The following NLGN1 variants were observed in gnomAD, a reference collection of about 807,000 sequenced individuals.
The protein encoded by NLGN1 is neuroligin-1.
Under a neutral mutation model 65.5 loss-of-function variants are expected in NLGN1, and 12 were observed. The ratio of observed to expected loss-of-function variants is 0.18; its 90% confidence interval spans 0.12 to 0.30. The LOEUF is 0.30. Ranked by LOEUF, NLGN1 falls within the 10% of genes least tolerant of loss-of-function variation. NLGN1 has a pLI of 1.00. For missense variants in NLGN1, 750 were observed against 1,007.1 expected (o/e 0.74, Z 3.46); for synonymous variants, 350 against 359.5 (o/e 0.97, Z 0.30).
chr3:174,155,643 G>A (rs1452652409), intron 4 of NLGN1, among the ~76,000 whole-genome samples: 1 of 151,524 alleles, frequency 6.6e-6, no homozygotes, highest in Non-Finnish European at 1.5e-5. Flanking sequence ...CAAAAGAAAT[G>A]TCTTCCTGGC....
chr3:173,851,459 A>G (rs1170241248), intron 4 of NLGN1, among the ~76,000 whole-genome samples: 2 of 152,142 alleles, frequency 1.3e-5, no homozygotes, highest in African/African-American at 2.4e-5. Context: ...ACAATTTTTA[A>G]CTCATATTTT....
intron 4 of NLGN1, among the ~76,000 whole-genome samples, chr3:174,274,250 T>C (rs1394875164): frequency 1.3e-5 from 2 of 151,814 alleles, no homozygotes; most frequent in Non-Finnish European, 2.9e-5. Flanking sequence ...TTATATTAAA[T>C]GCAAAAATAT....
At chr3:173,643,652 ACTGAG>A (rs1757755289) in intron 3 of NLGN1, among the ~76,000 whole-genome samples, 1 of 152,190 alleles carries the variant, frequency 6.6e-6, no homozygotes, top group African/African-American at 2.4e-5. Context: ...TGTGAAAGTT[ACTGAG>A]CTTTATTTGG....
At chr3:173,512,863 A>G (rs1454194753) in intron 2 of NLGN1, among the ~76,000 whole-genome samples, 2 of 152,222 alleles carry the variant, frequency 1.3e-5, no homozygotes, top group Non-Finnish European at 2.9e-5. Context: ...TTTATGTTGA[A>G]AGATGAGCTT....
At chr3:174,278,006 T>G (rs1750900104) in intron 5 of NLGN1, among the ~76,000 whole-genome samples, 1 of 151,994 alleles carries the variant, frequency 6.6e-6, no homozygotes, top group Non-Finnish European at 1.5e-5. Context: ...AAAGTGTGTT[T>G]GTAAATTTGA....
At chr3:174,151,681 G>C (rs895265932) in intron 4 of NLGN1, among the ~76,000 whole-genome samples, 1 of 152,114 alleles carries the variant, frequency 6.6e-6, no homozygotes, top group African/African-American at 2.4e-5. Context: ...ATTGTGTTAT[G>C]TTGATGGGTT....
At chr3:173,672,534 T>G (rs1762584081) in intron 3 of NLGN1, among the ~76,000 whole-genome samples, 1 of 152,204 alleles carries the variant, frequency 6.6e-6, no homozygotes, top group Admixed American at 6.5e-5. Flanking sequence ...TCTGAGAGCT[T>G]TTGTGTCTTA....
At chr3:173,796,733 A>T (rs1052158232) in intron 3 of NLGN1, among the ~76,000 whole-genome samples, 1 of 152,082 alleles carries the variant, frequency 6.6e-6, no homozygotes, top group East Asian at 1.9e-4. Context: ...TATCCATTTA[A>T]ACTGCTTGTA....
chr3:173,434,001 A>G (rs762179447), intron 1 of NLGN1, among the ~76,000 whole-genome samples: 48 of 152,196 alleles, frequency 3.2e-4, no homozygotes, highest in Non-Finnish European at 6.8e-4. Context: ...GAATCAGCCA[A>G]AATACTGCTT....
chr3:173,398,370 G>T (rs1717011183), upstream of NLGN1: 1 of 152,150 alleles, frequency 6.6e-6, no homozygotes, highest in South Asian at 2.1e-4. Flanking sequence ...TAGATCCCCC[G>T]CGTTGAGCAA....
In NLGN1 at chr3:173,987,658, CATTT is replaced by C. The variant is rs148443085; in HGVS notation, c.646+179827_646+179830del. On this transcript the variant is annotated intron_variant, in intron 4 of 6. Transcript: ENST00000457714. Reference sequence around the variant, plus strand: ...ACACCACAATTATCACCATTAACTTCATTTTCACCAATAAAAGTCACTCGGTACC... The same window carrying C: ...ACACCACAATTATCACCATTAACTTCTCACCAATAAAAGTCACTCGGTACC... Among the ~76,000 whole-genome samples, 401 of 152,304 alleles carry C rather than the reference CATTT, an allele frequency of 2.6e-3. 2 individuals carry two copies. Among genetic ancestry groups the C allele is most frequent in the African/African-American group, 9.0e-3 (373 of 41,576 alleles).
At chr3:173,504,341 A>G (rs939643683) in intron 2 of NLGN1, among the ~76,000 whole-genome samples, 1 of 152,122 alleles carries the variant, frequency 6.6e-6, no homozygotes, top group Admixed American at 6.6e-5. Context: ...AATGGAATAC[A>G]TTCTGAGATT....
chr3:173,644,592 C>A, intron 3 of NLGN1: 2 of 161,972 alleles, frequency 1.2e-5, no homozygotes, highest in South Asian at 1.8e-4. Context: ...ATGCTGTGCC[C>A]TGGTTCTGCG....
At chr3:173,675,929 A>G (rs1202251001) in intron 3 of NLGN1, among the ~76,000 whole-genome samples, 1 of 150,422 alleles carries the variant, frequency 6.6e-6, no homozygotes, top group Non-Finnish European at 1.5e-5. Flanking sequence ...ACACTAGAGT[A>G]TAAGTAAAAC....
At chr3:173,513,797 G>T (rs904872763) in intron 2 of NLGN1, among the ~76,000 whole-genome samples, 2 of 152,016 alleles carry the variant, frequency 1.3e-5, no homozygotes, top group Non-Finnish European at 2.9e-5. Flanking sequence ...AGGCCGAGGC[G>T]GGCGGATCAC....
At chr3:173,875,004 T>C (rs1731855479) in intron 4 of NLGN1, among the ~76,000 whole-genome samples, 2 of 152,218 alleles carry the variant, frequency 1.3e-5, no homozygotes, top group Admixed American at 1.3e-4. Flanking sequence ...TTATGTTTAG[T>C]AACCTCAGAA....
intron 4 of NLGN1, among the ~76,000 whole-genome samples, chr3:173,911,161 A>G (rs1256140686): frequency 6.6e-6 from 1 of 152,214 alleles, no homozygotes; most frequent in East Asian, 1.9e-4. Context: ...CAATCCCCCA[A>G]ACAATAAAAA....
At chr3:173,926,548 A>G (rs1350294502) in intron 4 of NLGN1, among the ~76,000 whole-genome samples, 1 of 152,170 alleles carries the variant, frequency 6.6e-6, no homozygotes, top group East Asian at 1.9e-4. Context: ...CCATGTATTT[A>G]TCATTCTCTA....
intron 2 of NLGN1, among the ~76,000 whole-genome samples, chr3:173,440,139 A>G (rs1050733298): frequency 5.3e-5 from 8 of 152,260 alleles, no homozygotes; most frequent in Admixed American, 1.3e-4. Flanking sequence ...TTTGACATCC[A>G]CAAGATGCAA....
Sources: allele counts gnomAD v4.1 joint callset (sites outside exome capture counted in the v4.1 genomes callset), GRCh38; gene constraint gnomAD v4.1.1; transcripts MANE v1.5; gene names NCBI Gene and HGNC (gene_info 2026-07-23, HGNC 2026-07-21).